LYRM4: variants seen among roughly 807,000 people sequenced by gnomAD.
The protein encoded by LYRM4 is LYR motif-containing protein 4.
In LYRM4, 9 loss-of-function variants were observed where a neutral mutation model predicts 11.7. The ratio of observed to expected loss-of-function variants is 0.77; its 90% confidence interval spans 0.46 to 1.34. LYRM4 has a LOEUF of 1.34. Among genes scored for constraint, LYRM4 ranks in the 40% most tolerant of loss-of-function variants. The pLI is 0.00. For synonymous variants in LYRM4, 42 were observed against 40.4 expected (o/e 1.04, Z -0.15); for missense variants, 133 against 112.5 (o/e 1.18, Z -0.82).
chr6:5,214,466 C>G (rs1166185088), intron 2 of LYRM4, among the ~76,000 whole-genome samples: 1 of 152,126 alleles, frequency 6.6e-6, no homozygotes, highest in Non-Finnish European at 1.5e-5. Context: ...TAGGGTGTCA[C>G]GAAGCAAGAG....
chr6:5,082,078 T>C, the LYRM4 span, among the ~76,000 whole-genome samples: 1 of 152,212 alleles, frequency 6.6e-6, no homozygotes, highest in South Asian at 2.1e-4. Context: ...AATAAACTGG[T>C]GAACTCAAGC....
intron 2 of LYRM4, among the ~76,000 whole-genome samples, chr6:5,194,786 C>T (rs1450095695): frequency 5.9e-5 from 9 of 152,188 alleles, no homozygotes; most frequent in African/African-American, 1.2e-4. Flanking sequence ...TGCAGTGGCA[C>T]GATCATAGCT....
chr6:5,040,214 G>C, the LYRM4 span, among the ~76,000 whole-genome samples: 1 of 151,858 alleles, frequency 6.6e-6, no homozygotes, highest in African/African-American at 2.4e-5. Context: ...AGCTACTTCG[G>C]AGGCTGGGTG....
chr6:5,197,287 G>T (rs955699287), intron 2 of LYRM4, among the ~76,000 whole-genome samples: 3 of 152,106 alleles, frequency 2.0e-5, no homozygotes, highest in African/African-American at 7.2e-5. Context: ...TGAAGGGGGG[G>T]GCCAAGTGCC....
At chr6:5,100,799 C>T (rs763006407), downstream of LYRM4, among the ~76,000 whole-genome samples, 7 of 152,220 alleles carry the variant, frequency 4.6e-5, no homozygotes, top group Non-Finnish European at 1.5e-5. Flanking sequence ...CAGTGAGGGG[C>T]AGTCCCCCTG....
chr6:5,134,476 A>G (rs1764096825), intron 2 of LYRM4, among the ~76,000 whole-genome samples: 1 of 152,200 alleles, frequency 6.6e-6, no homozygotes, highest in African/African-American at 2.4e-5. Flanking sequence ...AAATTTAAAC[A>G]CTTTGTATTT....
the LYRM4 span, among the ~76,000 whole-genome samples, chr6:5,095,124 A>G: frequency 6.6e-6 from 1 of 152,210 alleles, no homozygotes; most frequent in Non-Finnish European, 1.5e-5. Flanking sequence ...TCTATTAAAG[A>G]TTTAAAATAA....
the LYRM4 span, among the ~76,000 whole-genome samples, chr6:5,056,847 A>G: frequency 6.6e-6 from 1 of 152,182 alleles, no homozygotes; most frequent in East Asian, 1.9e-4. Flanking sequence ...TAGTTTATCC[A>G]TTGTTCAAGT....
the LYRM4 span, among the ~76,000 whole-genome samples, chr6:5,052,525 C>T: frequency 6.6e-6 from 1 of 152,102 alleles, no homozygotes; most frequent in Non-Finnish European, 1.5e-5. Context: ...AACTCCTGGC[C>T]TCAAGTGATT....
At chr6:5,130,890 C>T (rs4959328) in intron 2 of LYRM4, among the ~76,000 whole-genome samples, 45,997 of 151,918 alleles carry the variant, frequency 0.3, 7,359 homozygotes, top group South Asian at 0.39. Context: ...AATGAATAGT[C>T]ACTTGATAAA....
the LYRM4 span, among the ~76,000 whole-genome samples, chr6:5,039,205 A>G: frequency 6.6e-6 from 1 of 152,156 alleles, no homozygotes; most frequent in South Asian, 2.1e-4. Flanking sequence ...AGCTTACCGG[A>G]AGCCACCATT....
chr6:5,225,150 A>G (rs1278504489), intron 1 of LYRM4, among the ~76,000 whole-genome samples: 2 of 149,558 alleles, frequency 1.3e-5, no homozygotes, highest in African/African-American at 2.5e-5. Context: ...TGGGTGGCTG[A>G]GGCAGGAGAA....
intron 1 of LYRM4, among the ~76,000 whole-genome samples, chr6:5,220,732 T>C (rs4607474): frequency 0.18 from 26,998 of 152,204 alleles, 2,945 homozygotes; most frequent in Middle Eastern, 0.28. Flanking sequence ...CTGTGTTGCA[T>C]GCCTCCATGA....
At chr6:5,143,994 G>C (rs918287569) in intron 2 of LYRM4, 2 of 906,782 alleles carry the variant, frequency 2.2e-6, no homozygotes. Context: ...CTAAGCTTCT[G>C]AGGTCTAATT....
chr6:5,046,765 A>G, the LYRM4 span, among the ~76,000 whole-genome samples: 2 of 152,200 alleles, frequency 1.3e-5, no homozygotes, highest in Non-Finnish European at 2.9e-5. Flanking sequence ...TTTCACACCA[A>G]GATGGCTTCC....
intron 2 of LYRM4, among the ~76,000 whole-genome samples, chr6:5,154,964 G>A (rs1380963223): frequency 1.2e-4 from 19 of 152,218 alleles, no homozygotes; most frequent in Non-Finnish European, 1.5e-4. Flanking sequence ...AAACAATGCC[G>A]TTCTAACAGG....
intron 2 of LYRM4, among the ~76,000 whole-genome samples, chr6:5,132,433 G>A (rs1763999421): frequency 6.7e-6 from 1 of 150,300 alleles, no homozygotes; most frequent in South Asian, 2.1e-4. Context: ...AACAAAAACA[G>A]AAACTACAAC....
chr6:5,159,727 C>T (rs1057442328), intron 2 of LYRM4, among the ~76,000 whole-genome samples: 13 of 152,180 alleles, frequency 8.5e-5, no homozygotes, highest in African/African-American at 2.9e-4. Context: ...CAATCTACCT[C>T]GAATCACATT....
chr6:5,222,764 G>GAAAAAAAAA (rs56295961), intron 1 of LYRM4, among the ~76,000 whole-genome samples: 1 of 139,980 alleles, frequency 7.1e-6, no homozygotes, highest in African/African-American at 2.6e-5. Flanking sequence ...AGCAAAACAA[G>GAAAAAAAAA]AAAAAAAAAA....
Sources: allele counts gnomAD v4.1 joint callset (sites outside exome capture counted in the v4.1 genomes callset), GRCh38; gene constraint gnomAD v4.1.1; transcripts MANE v1.5; gene names NCBI Gene and HGNC (gene_info 2026-07-23, HGNC 2026-07-21).